TRPM3: variants seen among roughly 807,000 people sequenced by gnomAD.
The protein encoded by TRPM3 is long transient receptor potential channel 3.
TRPM3 carries 77 observed loss-of-function variants against 181.2 expected under a neutral mutation model. The observed-to-expected ratio is 0.42, with a 90% CI of 0.35 to 0.51. TRPM3 has a LOEUF of 0.51. Among genes scored for constraint, TRPM3 ranks in the 20% least tolerant of loss-of-function variants. The pLI is 0.01. For missense variants in TRPM3, 1,759 were observed against 2,196.7 expected, an observed-to-expected ratio of 0.80 and a Z score of 3.98; for synonymous variants, 745 against 796.4, an observed-to-expected ratio of 0.94 and a Z score of 1.09.
intron 6 of TRPM3, among the ~76,000 whole-genome samples, chr9:70,790,320 T>C (rs1350333213): frequency 3.9e-5 from 6 of 152,150 alleles, no homozygotes; most frequent in Non-Finnish European, 8.8e-5. Context: ...ATAGGTCACT[T>C]AAAAAGGGGA....
intron 8 of TRPM3, among the ~76,000 whole-genome samples, chr9:70,741,469 G>A (rs1015123998): frequency 3.9e-5 from 6 of 152,102 alleles, no homozygotes; most frequent in Non-Finnish European, 7.4e-5. Context: ...TCACACTACT[G>A]GGTATCTACC....
In TRPM3 at chr9:70,534,697, A is replaced by G. The variant is rs1038845840; in HGVS notation, c.*1256T>C. The G allele has an allele frequency of 1.3e-5, 2 of 152,234 alleles. No homozygotes were observed. The highest frequency in any genetic ancestry group is 2.9e-5 in the Non-Finnish European group (2 of 68,048). The allele number at this position is 152,234 out of a possible 1,614,324, so 9.4% of individuals were successfully genotyped here. On this transcript the variant is annotated 3_prime_UTR_variant, in exon 26 of 26. Coordinates refer to ENST00000677713, the MANE Select transcript of TRPM3 (RefSeq NM_001366145.2). ...GATACCAAACTCCCAGTCAAATCTA[A>G]GGTTATTTATAGTTTTGAAACTTCC...
chr9:70,686,702 C>CTTCCTTCT (rs1563994829), intron 8 of TRPM3, among the ~76,000 whole-genome samples: 1,291 of 95,786 alleles, frequency 0.013, 9 homozygotes, highest in African/African-American at 0.03. Flanking sequence ...TCCTTCCTTC[C>CTTCCTTCT]TTCCTTCCTT....
intron 1 of TRPM3, among the ~76,000 whole-genome samples, chr9:71,344,408 A>G (rs2132625933): frequency 6.6e-6 from 1 of 152,044 alleles, no homozygotes; most frequent in East Asian, 1.9e-4. Context: ...CCAAGATCAC[A>G]CCATTGCACT....
intron 1 of TRPM3, among the ~76,000 whole-genome samples, chr9:71,350,145 T>C (rs1225101500): frequency 6.6e-6 from 1 of 152,070 alleles, no homozygotes; most frequent in Non-Finnish European, 1.5e-5. Context: ...ATTTGTCCTA[T>C]CTGGAGAAAT....
chr9:70,669,252 C>T (rs1240280071), intron 9 of TRPM3, among the ~76,000 whole-genome samples: 2 of 152,196 alleles, frequency 1.3e-5, no homozygotes, highest in Non-Finnish European at 2.9e-5. Context: ...TCCCTAAATG[C>T]GTATAACTCT....
chr9:70,624,052 A>C (rs796367670), intron 14 of TRPM3, among the ~76,000 whole-genome samples: 5 of 152,254 alleles, frequency 3.3e-5, no homozygotes, highest in African/African-American at 1.2e-4. Flanking sequence ...AAAAATTGGG[A>C]TTCTGGAAAA....
At chr9:71,005,566 T>C (rs1051746658) in intron 1 of TRPM3, among the ~76,000 whole-genome samples, 1 of 152,246 alleles carries the variant, frequency 6.6e-6, no homozygotes, top group African/African-American at 2.4e-5. Context: ...AGTCTCAATA[T>C]AGCATTCAGC....
intron 1 of TRPM3, among the ~76,000 whole-genome samples, chr9:71,049,016 T>C (rs593771): frequency 0.91 from 138,268 of 152,250 alleles, 62,878 homozygotes; most frequent in East Asian, 1. Flanking sequence ...TTCTTAAATG[T>C]TATCTTATAA....
intron 1 of TRPM3, among the ~76,000 whole-genome samples, chr9:71,114,929 A>T (rs76178958): frequency 0.011 from 1,602 of 152,328 alleles, 30 homozygotes; most frequent in African/African-American, 0.036. Flanking sequence ...AAAAATTTTC[A>T]TGAAAAAAAT....
At chr9:71,434,973 A>G (rs1268485512) in intron 1 of TRPM3, among the ~76,000 whole-genome samples, 2 of 152,192 alleles carry the variant, frequency 1.3e-5, no homozygotes, top group African/African-American at 2.4e-5. Context: ...GTTCTCATTC[A>G]TTGAGAAGAA....
At position 70,862,920 on chromosome 9, in the gene TRPM3, G is replaced by A. The variant is rs2095557920; in HGVS notation, c.450C>T (p.Ser150=). The A allele has an allele frequency of 6.2e-7, 1 of 1,613,196 alleles. No homozygotes were observed. Among genetic ancestry groups the A allele is most frequent in the African/African-American group, 1.3e-5 (1 of 74,812 alleles). ...GCTTTCTGATTACCATGGCTTTGTT[G>A]GAATGGCCACCTCCTTGGAACTCAA... ...GTIEFQGGGH[S]NKAMYVRVSF... is the part of the protein sequence containing the mutation. The change falls in exon 3 of 26, where the codon TCC becomes TCT. Residue 150 remains serine (S), a synonymous_variant. Transcript: ENST00000677713.
chr9:71,063,872 G>A (rs1257494134), intron 1 of TRPM3, among the ~76,000 whole-genome samples: 1 of 152,076 alleles, frequency 6.6e-6, no homozygotes, highest in Admixed American at 6.6e-5. Context: ...GAAGAGAGAT[G>A]TGGAAGAGAC....
chr9:71,412,374 T>G (rs924684488), intron 1 of TRPM3, among the ~76,000 whole-genome samples: 1 of 152,034 alleles, frequency 6.6e-6, no homozygotes, highest in African/African-American at 2.4e-5. Context: ...ATATCCAGAA[T>G]CTACAAAGAA....
chr9:70,969,465 A>T (rs1261019192), intron 1 of TRPM3, among the ~76,000 whole-genome samples: 2 of 151,974 alleles, frequency 1.3e-5, no homozygotes, highest in Non-Finnish European at 2.9e-5. Context: ...TCTGAATAAA[A>T]TATGAATGTT....
At chr9:70,668,018 A>G (rs1428536902) in intron 9 of TRPM3, among the ~76,000 whole-genome samples, 1 of 152,224 alleles carries the variant, frequency 6.6e-6, no homozygotes, top group East Asian at 1.9e-4. Context: ...GGTCCAGAAG[A>G]GAATGATAGT....
At chr9:70,613,048 CA>C (rs1223173106) in intron 18 of TRPM3, among the ~76,000 whole-genome samples, 2 of 152,120 alleles carry the variant, frequency 1.3e-5, no homozygotes, top group Non-Finnish European at 2.9e-5. Flanking sequence ...GCACTGCATT[CA>C]AAACAAAAGC....
At chr9:70,589,190 CA>C (rs1266430624) in intron 22 of TRPM3, among the ~76,000 whole-genome samples, 5 of 152,304 alleles carry the variant, frequency 3.3e-5, no homozygotes, top group African/African-American at 1.2e-4. Context: ...TCTCTGTCTC[CA>C]GGGGGTTTTC....
intron 1 of TRPM3, among the ~76,000 whole-genome samples, chr9:71,339,081 A>G (rs1452278573): frequency 1.3e-5 from 2 of 152,126 alleles, no homozygotes; most frequent in African/African-American, 4.8e-5. Flanking sequence ...GTAAGACAAA[A>G]TGCAAGACAA....
Sources: gnomAD v4.1 joint callset for allele counts (sites outside exome capture counted in the v4.1 genomes callset) on GRCh38, gnomAD v4.1.1 for gene constraint, MANE v1.5 for transcripts, NCBI Gene and HGNC (gene_info 2026-07-23, HGNC 2026-07-21) for gene names.